Variants in SHISA9 observed in about 807,000 individuals in gnomAD.
SHISA9 encodes the protein shisa family member 9.
SHISA9 carries 13 observed loss-of-function variants against 38.0 expected under a neutral mutation model. That is an observed-to-expected ratio of 0.34 (90% CI 0.22 to 0.54). SHISA9 has a LOEUF of 0.54. Among genes scored for constraint, SHISA9 ranks in the 20% least tolerant of loss-of-function variants. SHISA9 has a pLI of 0.91. For missense variants in SHISA9, 538 were observed against 575.8 expected, an observed-to-expected ratio of 0.93 and a Z score of 0.67; for synonymous variants, 275 against 242.0, an observed-to-expected ratio of 1.14 and a Z score of -1.27.
intron 2 of SHISA9, among the ~76,000 whole-genome samples, chr16:13,148,689 G>GCACACACACACACA (rs3075124): frequency 5.8e-4 from 77 of 132,534 alleles, no homozygotes; most frequent in African/African-American, 2.3e-3. Context: ...ACATACACAA[G>GCACACACACACACA]CACACACACA....
At chr16:13,120,601 C>CT (rs1481671244) in intron 2 of SHISA9, among the ~76,000 whole-genome samples, 1 of 152,128 alleles carries the variant, frequency 6.6e-6, no homozygotes, top group East Asian at 1.9e-4. Flanking sequence ...AGCAGCCTGA[C>CT]TTTTTGCAAA....
chr16:13,387,128 TAC>T, the SHISA9 span, among the ~76,000 whole-genome samples: 2 of 152,228 alleles, frequency 1.3e-5, no homozygotes, highest in African/African-American at 4.8e-5. Flanking sequence ...TCCATTTCTG[TAC>T]ATTTACATAG....
chr16:13,499,134 C>T, the SHISA9 span, among the ~76,000 whole-genome samples: 2 of 152,186 alleles, frequency 1.3e-5, no homozygotes, highest in Non-Finnish European at 2.9e-5. Context: ...GCAGCATCCT[C>T]TAAAGTAGAA....
In SHISA9 at chr16:12,984,598, C is replaced by CT. The variant is rs34266388; in HGVS notation, c.691+67789dup. Among the ~76,000 whole-genome samples the CT allele has an allele frequency of 7.6e-3, 1,158 of 152,188 alleles. 14 individuals carry two copies. The highest frequency in any genetic ancestry group is 8.7e-3 in the Non-Finnish European group (591 of 68,008). ...ATCTTCAGAATATCAGGAAAGGATG[C>CT]TTTTTTCTCCCCAGACAGGAGGGAA... On this transcript the variant is annotated intron_variant, in intron 2 of 4. Coordinates refer to ENST00000558583, the MANE Select transcript of SHISA9 (RefSeq NM_001145204.3).
At chr16:13,389,273 C>G in the SHISA9 span, among the ~76,000 whole-genome samples, 1 of 152,196 alleles carries the variant, frequency 6.6e-6, no homozygotes, top group Non-Finnish European at 1.5e-5. Flanking sequence ...TTTACCCTCT[C>G]TGTAGTTTTA....
the SHISA9 span, among the ~76,000 whole-genome samples, chr16:13,411,618 A>G: frequency 6.6e-6 from 1 of 152,228 alleles, no homozygotes; most frequent in Non-Finnish European, 1.5e-5. Context: ...TTTCATTTTC[A>G]TCGGCAAGGA....
the SHISA9 span, among the ~76,000 whole-genome samples, chr16:13,359,375 C>T: frequency 3.5e-4 from 54 of 152,146 alleles, no homozygotes; most frequent in Admixed American, 4.6e-4. Context: ...CCCAGGTACC[C>T]GGGAGGCTGA....
the SHISA9 span, among the ~76,000 whole-genome samples, chr16:13,507,620 G>T: frequency 6.6e-6 from 1 of 152,114 alleles, no homozygotes; most frequent in Non-Finnish European, 1.5e-5. Flanking sequence ...AAGAAATGCT[G>T]CAATTAGTGC....
intron 2 of SHISA9, among the ~76,000 whole-genome samples, chr16:13,122,693 G>T (rs189603310): frequency 6.6e-6 from 1 of 152,306 alleles, no homozygotes; most frequent in African/African-American, 2.4e-5. Flanking sequence ...TGTGTTTGAT[G>T]CATTAAGTAT....
the SHISA9 span, among the ~76,000 whole-genome samples, chr16:13,440,599 T>C: frequency 6.6e-6 from 1 of 152,222 alleles, no homozygotes; most frequent in South Asian, 2.1e-4. Context: ...ATGTCTTTTC[T>C]ATTAGCCTAA....
chr16:13,417,407 T>C, the SHISA9 span, among the ~76,000 whole-genome samples: 1 of 152,096 alleles, frequency 6.6e-6, no homozygotes, highest in African/African-American at 2.4e-5. Flanking sequence ...AGAGACTGAA[T>C]CTGTCCACTA....
chr16:13,187,328 C>CTTTTTTTTTTTTTTTTTTT (rs372286181), intron 2 of SHISA9, among the ~76,000 whole-genome samples: 4 of 90,682 alleles, frequency 4.4e-5, no homozygotes, highest in East Asian at 4.3e-4. Flanking sequence ...CTTTTCTTTT[C>CTTTTTTTTTTTTTTTTTTT]TTTTTTTTTT....
intron 2 of SHISA9, among the ~76,000 whole-genome samples, chr16:12,947,032 C>G (rs35686617): frequency 0.2 from 30,884 of 152,130 alleles, 3,847 homozygotes; most frequent in Middle Eastern, 0.36. Context: ...GGCCTTTTAA[C>G]AAAAGGTTTC....
the SHISA9 span, among the ~76,000 whole-genome samples, chr16:13,471,452 G>T: frequency 1.3e-5 from 2 of 152,146 alleles, no homozygotes; most frequent in Admixed American, 6.5e-5. Flanking sequence ...TTTTCCTCAT[G>T]GGAATATAAG....
the SHISA9 span, among the ~76,000 whole-genome samples, chr16:13,558,823 G>A: frequency 6.6e-6 from 1 of 152,210 alleles, no homozygotes; most frequent in Non-Finnish European, 1.5e-5. Context: ...CAAGATGGCA[G>A]AGTGTTGCCC....
At chr16:13,473,349 CTTTTTTT>C in the SHISA9 span, among the ~76,000 whole-genome samples, 1 of 73,904 alleles carries the variant, frequency 1.4e-5, no homozygotes, top group South Asian at 5.8e-4. Flanking sequence ...TTCTTTCTTT[CTTTTTTT>C]TTTTTTTTTT....
the SHISA9 span, among the ~76,000 whole-genome samples, chr16:13,533,434 C>T: frequency 6.6e-6 from 1 of 152,282 alleles, no homozygotes; most frequent in South Asian, 2.1e-4. Context: ...TGCTGTTTTC[C>T]CTAGAAAGTT....
intron 1 of SHISA9, among the ~76,000 whole-genome samples, chr16:12,915,689 A>C (rs1237477825): frequency 1.3e-5 from 2 of 152,152 alleles, no homozygotes; most frequent in Non-Finnish European, 2.9e-5. Flanking sequence ...ATTGCTTATG[A>C]CGGAATACTA....
At chr16:13,134,898 A>G (rs1444953530) in intron 2 of SHISA9, among the ~76,000 whole-genome samples, 1 of 152,132 alleles carries the variant, frequency 6.6e-6, no homozygotes, top group Non-Finnish European at 1.5e-5. Context: ...CACCTGTGGG[A>G]CATCCTGGAC....
Sources: gnomAD v4.1 joint callset for allele counts (sites outside exome capture counted in the v4.1 genomes callset) on GRCh38, gnomAD v4.1.1 for gene constraint, MANE v1.5 for transcripts, NCBI Gene and HGNC (gene_info 2026-07-23, HGNC 2026-07-21) for gene names.